Variants in RERE observed in about 807,000 individuals in gnomAD.
RERE encodes arginine-glutamic acid dipeptide repeats.
A neutral mutation model predicts 146.1 loss-of-function variants in RERE; 40 were observed. That is an observed-to-expected ratio of 0.27 (90% confidence interval 0.21 to 0.36). RERE has a LOEUF of 0.36. RERE is among the 10% of genes least tolerant of loss of function. RERE has a pLI of 1.00. For synonymous variants in RERE, 1,003 were observed against 866.0 expected, an observed-to-expected ratio of 1.16 and a Z score of -2.78; for missense variants, 1,933 against 2,138.7, an observed-to-expected ratio of 0.90 and a Z score of 1.90.
chr1:8,702,252 G>A (rs1042960787), intron 1 of RERE, among the ~76,000 whole-genome samples: 4 of 152,152 alleles, frequency 2.6e-5, no homozygotes, highest in Non-Finnish European at 5.9e-5. Flanking sequence ...TAGATTTTCC[G>A]TGTGGCTGAG....
At chr1:8,655,637 C>T (rs1258890504) in intron 2 of RERE, among the ~76,000 whole-genome samples, 1 of 152,156 alleles carries the variant, frequency 6.6e-6, no homozygotes, top group African/African-American at 2.4e-5. Context: ...TCACCACAGT[C>T]TCATTTATGA....
At chr1:8,484,845 A>T (rs1644878562) in intron 10 of RERE, among the ~76,000 whole-genome samples, 1 of 152,248 alleles carries the variant, frequency 6.6e-6, no homozygotes, top group South Asian at 2.1e-4. Context: ...TCCTAATGAG[A>T]GAGACCAACA....
chr1:8,645,629 C>T (rs1252448846), intron 2 of RERE, among the ~76,000 whole-genome samples: 1 of 152,186 alleles, frequency 6.6e-6, no homozygotes, highest in Non-Finnish European at 1.5e-5. Flanking sequence ...CTAACCAACT[C>T]CCATGGGATG....
At chr1:8,746,900 A>AAGGGAG (rs1215953241) in intron 1 of RERE, among the ~76,000 whole-genome samples, 67 of 145,874 alleles carry the variant, frequency 4.6e-4, no homozygotes, top group African/African-American at 1.6e-3. Flanking sequence ...GAGAGAGAGA[A>AAGGGAG]AGGGAGAGGG....
intron 1 of RERE, among the ~76,000 whole-genome samples, chr1:8,808,922 A>G (rs7548307): frequency 0.24 from 35,799 of 151,876 alleles, 4,406 homozygotes; most frequent in Middle Eastern, 0.27. Flanking sequence ...CGGATCACGA[A>G]GTCAGGAGAT....
At chr1:8,731,993 CG>C (rs1213166107) in intron 1 of RERE, among the ~76,000 whole-genome samples, 3 of 151,968 alleles carry the variant, frequency 2.0e-5, no homozygotes, top group African/African-American at 7.3e-5. Flanking sequence ...TTAGTAGAGA[CG>C]GGGTTTCACT....
intron 9 of RERE, 127 bp from the exon 10 acceptor site, chr1:8,495,289 T>G: frequency 6.5e-6 from 4 of 618,080 alleles, no homozygotes; most frequent in East Asian, 2.9e-5. Flanking sequence ...GATGAACCAG[T>G]TCCCAGCTCT....
intron 1 of RERE, among the ~76,000 whole-genome samples, chr1:8,766,607 G>A (rs1380405696): frequency 2.7e-5 from 4 of 150,472 alleles, no homozygotes. Context: ...GCCTGAACTA[G>A]CGTAATGGAT....
chr1:8,395,383 G>A (rs956444415), intron 12 of RERE, among the ~76,000 whole-genome samples: 2 of 151,794 alleles, frequency 1.3e-5, no homozygotes, highest in African/African-American at 4.8e-5. Flanking sequence ...GCTGAGGCAG[G>A]AGAATAGCTT....
At chr1:8,480,017 G>A (rs952874834) in intron 10 of RERE, among the ~76,000 whole-genome samples, 2 of 152,026 alleles carry the variant, frequency 1.3e-5, no homozygotes, top group Non-Finnish European at 2.9e-5. Context: ...TAACAATGAG[G>A]TGTTCACTTA....
chr1:8,430,987 G>A (rs1228782307), intron 11 of RERE, among the ~76,000 whole-genome samples: 1 of 152,134 alleles, frequency 6.6e-6, no homozygotes, highest in Admixed American at 6.5e-5. Context: ...ATGCCATAGG[G>A]TGACCCAGAG....
At chr1:8,559,264 G>A (rs1191078613) in intron 4 of RERE, among the ~76,000 whole-genome samples, 5 of 23,784 alleles carry the variant, frequency 2.1e-4, no homozygotes, top group Non-Finnish European at 3.8e-4. Context: ...TGGGCAACAA[G>A]AGCAAAACTC....
Position 8,404,426 on chromosome 1 carries a change from A to C in RERE, c.1284+18301T>G, listed in dbSNP as rs190257028. ...TAGTGAGACTCTGTCTCAAAAAAAA[A>C]ACAAACAAACAAAAAAAAGAGATGG... On this transcript the variant is annotated intron_variant, in intron 12 of 22. Coordinates refer to ENST00000400908, the MANE Select transcript of RERE (RefSeq NM_001042681.2). Among the ~76,000 whole-genome samples, 579 of 151,990 alleles carry C rather than the reference A, an allele frequency of 3.8e-3. 4 individuals carry two copies. Among genetic ancestry groups the C allele is most frequent in the African/African-American group, 0.011 (455 of 41,496 alleles).
At chr1:8,435,146 A>C (rs1233386622) in intron 11 of RERE, among the ~76,000 whole-genome samples, 1 of 152,242 alleles carries the variant, frequency 6.6e-6, no homozygotes, top group African/African-American at 2.4e-5. Flanking sequence ...ACAAATAAGC[A>C]ATCTTCCAAT....
At chr1:8,533,777 A>T (rs1645688238) in intron 7 of RERE, among the ~76,000 whole-genome samples, 1 of 152,226 alleles carries the variant, frequency 6.6e-6, no homozygotes, top group South Asian at 2.1e-4. Context: ...TCCGCAGTTA[A>T]AAGTTTTGTT....
rs1271522015 is a variant in RERE at position 8,358,391 on chromosome 1, C to T, written c.4144G>A (p.Ala1382Thr). The change falls in exon 20 of 23, where the codon GCG becomes ACG. Residue 1382 changes from alanine (A) to threonine (T), a missense_variant. By Grantham distance (58) the Ala-to-Thr change is moderately conservative (BLOSUM62 0). Around this residue, in one of 11 missense-constraint regions of RERE, gnomAD observed 1,255 missense variants for 1,153.8 expected, o/e 1.09. Transcript: ENST00000400908. ...ATCTCGGGCCGCAGCTGGGGGCCCG[C>T]CAGGGCCAGTCTCTCCCTCTCCAAG... ...NPLERERLAL[A>T]GPQLRPEMSY... 2 of 1,607,688 alleles carry T rather than the reference C, an allele frequency of 1.2e-6. No individual in the cohort carries two copies. Among genetic ancestry groups the T allele is most frequent in the Admixed American group, 1.7e-5 (1 of 59,822 alleles).
intron 3 of RERE, among the ~76,000 whole-genome samples, chr1:8,617,358 G>A (rs369793946): frequency 0.048 from 3,584 of 74,710 alleles, 18 homozygotes; most frequent in East Asian, 0.057. Flanking sequence ...AAAAAAAAAA[G>A]AATTCCATCC....
At chr1:8,741,034 C>T (rs748433576) in intron 1 of RERE, among the ~76,000 whole-genome samples, 4 of 152,096 alleles carry the variant, frequency 2.6e-5, no homozygotes, top group Non-Finnish European at 2.9e-5. Context: ...TTCATATAAC[C>T]GGCAGCATAT....
intron 12 of RERE, among the ~76,000 whole-genome samples, chr1:8,412,482 T>A (rs1229849299): frequency 1.3e-5 from 2 of 152,220 alleles, no homozygotes; most frequent in African/African-American, 4.8e-5. Flanking sequence ...CCCCTGGCTC[T>A]CACCTCCAGT....
Sources: gnomAD v4.1 joint callset for allele counts (sites outside exome capture counted in the v4.1 genomes callset) on GRCh38, gnomAD v4.1.1 for gene constraint, gnomAD v4.1.1 regional missense constraint, MANE v1.5 for transcripts, NCBI Gene and HGNC (gene_info 2026-07-23, HGNC 2026-07-21) for gene names.